CD109: variants seen among roughly 807,000 people sequenced by gnomAD.
CD109 encodes the protein CD109 molecule, also known as CD109 antigen.
Under a neutral mutation model 165.8 loss-of-function variants are expected in CD109, and 149 were observed. The observed-to-expected ratio is 0.90, with a 90% CI of 0.79 to 1.03. The LOEUF is 1.03. CD109 is among the 50% of genes least tolerant of loss of function. CD109 has a pLI of 0.00. For missense variants in CD109, 1,712 were observed against 1,677.8 expected, an observed-to-expected ratio of 1.02 and a Z score of -0.36; for synonymous variants, 585 against 592.1, an observed-to-expected ratio of 0.99 and a Z score of 0.18.
At chr6:73,721,639 C>T (rs901285336) in intron 2 of CD109, among the ~76,000 whole-genome samples, 1 of 152,016 alleles carries the variant, frequency 6.6e-6, no homozygotes, top group Non-Finnish European at 1.5e-5. Context: ...GCTGGGATTA[C>T]AGGCATGAGC....
At chr6:73,736,339 C>A in intron 4 of CD109, 44 bp from the exon 5 acceptor site, 1 of 1,604,350 alleles carries the variant, frequency 6.2e-7, no homozygotes, top group Non-Finnish European at 8.5e-7. Flanking sequence ...TACACATGCA[C>A]ATGGGCAGCC....
chr6:73,773,616 C>G (rs984773291), intron 15 of CD109, among the ~76,000 whole-genome samples: 11 of 151,902 alleles, frequency 7.2e-5, no homozygotes, highest in Non-Finnish European at 1.5e-4. Flanking sequence ...TTAATTTATC[C>G]TTGTTGGTTT....
intron 5 of CD109, among the ~76,000 whole-genome samples, chr6:73,749,644 G>C (rs1243538330): frequency 1.3e-5 from 2 of 152,100 alleles, no homozygotes; most frequent in African/African-American, 4.8e-5. Context: ...GGACTTCTGA[G>C]GACAAAGGAA....
chr6:73,767,560 C>T (rs1244316154), intron 13 of CD109, among the ~76,000 whole-genome samples: 2 of 152,042 alleles, frequency 1.3e-5, no homozygotes, highest in African/African-American at 4.8e-5. Context: ...TTTAGCCTGT[C>T]GTTTTAACAT....
intron 10 of CD109, among the ~76,000 whole-genome samples, chr6:73,764,463 C>T (rs148048403): frequency 2.7e-4 from 41 of 152,292 alleles, no homozygotes; most frequent in African/African-American, 9.9e-4. Flanking sequence ...ACTTTGTTTA[C>T]AAACATACTG....
rs779879880 is a variant in CD109, at chr6:73,818,516, T to G, written c.4040T>G (p.Leu1347Arg). 1.9e-6 allele frequency: 3 copies of G among 1,613,124 alleles called. No homozygotes were observed. The highest frequency in any genetic ancestry group is 1.7e-6 in the Non-Finnish European group (2 of 1,179,776). The change falls in exon 31 of 33, where the codon CTC becomes CGC. Residue 1347 changes from leucine to arginine, a missense_variant. Leu to Arg is a moderately radical substitution (Grantham distance 102). Transcript: ENST00000287097. ...AAAGTGGAATATGATCATGGAAAAC[T>G]CAACCTCTATTTAGATTCTGTAAGT... ...VKKVEYDHGK[L>R]NLYLDSVNET... is the part of the protein sequence containing the mutation.
chr6:73,804,757 G>A (rs1562079953), intron 24 of CD109, among the ~76,000 whole-genome samples: 1 of 152,258 alleles, frequency 6.6e-6, no homozygotes, highest in Non-Finnish European at 1.5e-5. Flanking sequence ...GGGGCTGACT[G>A]AAGCGTGTTG....
intron 6 of CD109, 115 bp from the exon 7 acceptor site, chr6:73,758,829 T>G: frequency 1.5e-6 from 1 of 678,140 alleles, no homozygotes; most frequent in Non-Finnish European, 2.6e-6. Flanking sequence ...CACAACAATT[T>G]TATTTTTCAT....
intron 4 of CD109, 95 bp from the exon 5 acceptor site, chr6:73,736,288 G>A: frequency 7.5e-7 from 1 of 1,341,674 alleles, no homozygotes; most frequent in Non-Finnish European, 1.0e-6. Context: ...TTCTGGACCT[G>A]GGTGGGAATG....
intron 17 of CD109, among the ~76,000 whole-genome samples, chr6:73,781,835 A>AC (rs10643965): frequency 3.5e-5 from 5 of 144,320 alleles, no homozygotes; most frequent in Admixed American, 1.4e-4. Context: ...ACACACACAC[A>AC]CCCCTCATCA....
chr6:73,713,241 G>T (rs1328462186), intron 2 of CD109, among the ~76,000 whole-genome samples: 5 of 152,146 alleles, frequency 3.3e-5, no homozygotes, highest in Non-Finnish European at 5.9e-5. Context: ...AGAAAAAAAT[G>T]TCAAGTACTT....
chr6:73,737,110 A>T (rs1772575705), intron 5 of CD109, among the ~76,000 whole-genome samples: 1 of 152,254 alleles, frequency 6.6e-6, no homozygotes, highest in Non-Finnish European at 1.5e-5. Context: ...AATTTTAAAA[A>T]GCAATGAGAC....
intron 3 of CD109, among the ~76,000 whole-genome samples, chr6:73,723,725 A>T (rs113515280): frequency 1.8e-4 from 28 of 152,228 alleles, no homozygotes; most frequent in African/African-American, 6.5e-4. Flanking sequence ...GGAACAACAC[A>T]CACTGGGGCC....
intron 14 of CD109, among the ~76,000 whole-genome samples, chr6:73,770,581 C>T (rs895477369): frequency 3.3e-5 from 5 of 151,994 alleles, no homozygotes; most frequent in Admixed American, 2.6e-4. Flanking sequence ...CCTGTCTCTA[C>T]TAAAAAAGTT....
At chr6:73,737,914 C>A (rs1352914946) in intron 5 of CD109, among the ~76,000 whole-genome samples, 1 of 151,956 alleles carries the variant, frequency 6.6e-6, no homozygotes, top group African/African-American at 2.4e-5. Flanking sequence ...CACTTAAATT[C>A]TTAAGAATCA....
At chr6:73,740,619 G>A (rs1395141224) in intron 5 of CD109, among the ~76,000 whole-genome samples, 1 of 72,692 alleles carries the variant, frequency 1.4e-5, no homozygotes, top group Non-Finnish European at 3.1e-5. Flanking sequence ...TTTTTTTTTC[G>A]AGACAGAGTC....
intron 15 of CD109, among the ~76,000 whole-genome samples, chr6:73,775,597 G>T (rs1774214913): frequency 6.6e-6 from 1 of 152,010 alleles, no homozygotes; most frequent in Non-Finnish European, 1.5e-5. Flanking sequence ...GGGGTTTGTT[G>T]TACAGATTAT....
chr6:73,760,500 A>C (rs1380747765), intron 7 of CD109, among the ~76,000 whole-genome samples: 2 of 147,966 alleles, frequency 1.4e-5, no homozygotes, highest in Admixed American at 1.4e-4. Flanking sequence ...ATAATGAGAG[A>C]GGATAAAATT....
Position 73,780,443 on chromosome 6 carries a change from T to A in CD109, c.1847T>A (p.Leu616His). The A allele has an allele frequency of 1.2e-6, 2 of 1,607,196 alleles. No individual in the cohort carries two copies. The highest frequency in any genetic ancestry group is 1.7e-6 in the Non-Finnish European group (2 of 1,174,472). Residue 616 changes from leucine to histidine, a missense_variant, in exon 16 of 33, where the codon CTT (leucine) becomes CAT (histidine). Leu to His is a moderately conservative substitution (Grantham distance 99, BLOSUM62 -3). Coordinates refer to ENST00000287097, the MANE Select transcript of CD109 (RefSeq NM_133493.5). ...TMENVVHELELYNTGYYLGMF... is the reference protein window; with the variant it reads ...TMENVVHELEHYNTGYYLGMF... The stretch of plus-strand genomic sequence containing the variant: ...CCTTAGGTGGTCCATGAGTTGGAAC[T>A]TTATAACACAGGATATTATTTAGGC...
Sources: allele counts gnomAD v4.1 joint callset (sites outside exome capture counted in the v4.1 genomes callset), GRCh38; gene constraint gnomAD v4.1.1; transcripts MANE v1.5; gene names NCBI Gene and HGNC (gene_info 2026-07-23, HGNC 2026-07-21).